COL24A1: variants seen among roughly 807,000 people sequenced by gnomAD.
COL24A1 encodes collagen alpha-1(XXIV) chain.
Under a neutral mutation model 253.9 loss-of-function variants are expected in COL24A1, and 224 were observed. The observed-to-expected ratio is 0.88, with a 90% CI of 0.79 to 0.99. The LOEUF (loss-of-function observed/expected upper bound fraction) is 0.99. Ranked by LOEUF, COL24A1 falls within the 50% of genes least tolerant of loss-of-function variation. The pLI is 0.00. For missense variants in COL24A1, 2,131 were observed against 2,068.5 expected, an observed-to-expected ratio of 1.03 and a Z score of -0.59; for synonymous variants, 685 against 673.7, an observed-to-expected ratio of 1.02 and a Z score of -0.26.
intron 43 of COL24A1, among the ~76,000 whole-genome samples, chr1:85,826,676 T>C (rs1020722199): frequency 1.3e-5 from 2 of 151,736 alleles, no homozygotes; most frequent in South Asian, 2.1e-4. Context: ...TATTTTATTC[T>C]CTTTGAAGCA....
At chr1:85,745,643 G>GTT in intron 55 of COL24A1, 137 bp from the exon 56 acceptor site, 1 of 508,420 alleles carries the variant, frequency 2.0e-6, no homozygotes, top group Non-Finnish European at 3.3e-6. Context: ...AACTCTTACG[G>GTT]TTAGACAGAT....
At chr1:85,754,465 C>T (rs1570459924) in intron 55 of COL24A1, among the ~76,000 whole-genome samples, 2 of 94,552 alleles carry the variant, frequency 2.1e-5, no homozygotes, top group African/African-American at 8.4e-5. Context: ...TGCAGCGCAC[C>T]AGCATGGCAC....
At chr1:85,943,236 C>T (rs896985190) in intron 24 of COL24A1, among the ~76,000 whole-genome samples, 3 of 152,244 alleles carry the variant, frequency 2.0e-5, no homozygotes, top group Non-Finnish European at 4.4e-5. Flanking sequence ...GACTGAGTTA[C>T]ATCATTGGCT....
At chr1:86,115,282 ACAAATTCT>A in intron 4 of COL24A1, 35 bp downstream of exon 4, 2 of 1,595,256 alleles carry the variant, frequency 1.3e-6, no homozygotes, top group Non-Finnish European at 1.7e-6. Flanking sequence ...TTAGAAAGTT[ACAAATTCT>A]CACTGCCAGC....
chr1:85,781,052 A>G (rs541347556), intron 52 of COL24A1, among the ~76,000 whole-genome samples, 168 bp downstream of exon 52: 1 of 152,258 alleles, frequency 6.6e-6, no homozygotes, highest in African/African-American at 2.4e-5. Flanking sequence ...CACTGTCTTC[A>G]TTACACATAT....
At chr1:85,870,597 A>G (rs1444677348) in intron 35 of COL24A1, among the ~76,000 whole-genome samples, 1 of 152,234 alleles carries the variant, frequency 6.6e-6, no homozygotes, top group Non-Finnish European at 1.5e-5. Flanking sequence ...CTGAATGACT[A>G]CTGGGTACAT....
chr1:85,806,110 T>A (rs567123009), intron 47 of COL24A1, among the ~76,000 whole-genome samples: 155 of 150,624 alleles, frequency 1.0e-3, no homozygotes, highest in Non-Finnish European at 2.0e-3. Context: ...GATAGAAATA[T>A]ATATTTCCTC....
At position 85,830,552 on chromosome 1, in the gene COL24A1, T is replaced by C. The variant is rs1201138438; in HGVS notation, c.3682-6814A>G. ...GCCGCCTTGCAGTTTGATCTCAGAC[T>C]GCTGTGCTAGCAATCAGCGAGACTC... On this transcript the variant is annotated intron_variant, in intron 43 of 59. Transcript: ENST00000370571. Among the ~76,000 whole-genome samples, 9 of 152,278 alleles carry C rather than the reference T, an allele frequency of 5.9e-5. No individual in the cohort carries two copies. The East Asian group carries it at 1.7e-3, about 29-fold the overall frequency.
chr1:85,741,780 GTTACTGGGAA>G (rs1245074040), intron 57 of COL24A1, among the ~76,000 whole-genome samples: 1 of 152,064 alleles, frequency 6.6e-6, no homozygotes, highest in African/African-American at 2.4e-5. Context: ...TATGTGCTTC[GTTACTGGGAA>G]TGAAAAGTTC....
rs1161743318 is a variant in COL24A1, at chr1:85,729,388, T to A, written c.*1158A>T. ...ATATTTCTCTGATAACAAGGAGACA[T>A]TGAACTGGCTGAGCCTATTTTAAAT... On this transcript the variant is annotated 3_prime_UTR_variant, in exon 60 of 60. Transcript: ENST00000370571. 6.6e-6 allele frequency: 1 copy of A among 151,968 alleles called. No individual in the cohort carries two copies. Among genetic ancestry groups the A allele is most frequent in the Non-Finnish European group, 1.5e-5 (1 of 67,946 alleles). The allele number at this position is 151,968 out of a possible 1,614,324, so 9.4% of individuals were successfully genotyped here.
intron 24 of COL24A1, among the ~76,000 whole-genome samples, chr1:85,933,721 T>G (rs1688011769): frequency 6.6e-6 from 1 of 152,204 alleles, no homozygotes; most frequent in African/African-American, 2.4e-5. Context: ...TTTTCAATTG[T>G]AAAGTTGTCA....
chr1:85,792,051 T>C (rs1021899891), intron 47 of COL24A1, among the ~76,000 whole-genome samples: 3 of 152,172 alleles, frequency 2.0e-5, no homozygotes, highest in African/African-American at 7.2e-5. Flanking sequence ...ATTTCATGAA[T>C]AAACATTTTG....
chr1:85,809,322 C>T (rs562089527), intron 47 of COL24A1, among the ~76,000 whole-genome samples: 4 of 152,234 alleles, frequency 2.6e-5, no homozygotes, highest in Non-Finnish European at 5.9e-5. Flanking sequence ...AGTTTTCATT[C>T]CCTGAGCAAG....
intron 43 of COL24A1, among the ~76,000 whole-genome samples, chr1:85,828,002 A>C (rs998658954): frequency 2.5e-4 from 38 of 151,762 alleles, no homozygotes; most frequent in African/African-American, 7.5e-4. Context: ...TAGTTCTTTT[A>C]ATTGTGATGT....
intron 35 of COL24A1, among the ~76,000 whole-genome samples, chr1:85,870,452 G>A (rs1159414419): frequency 1.2e-4 from 19 of 152,146 alleles, no homozygotes; most frequent in Non-Finnish European, 1.8e-4. Flanking sequence ...TGGAAGTAAA[G>A]CACTCCTCAG....
Position 85,972,583 on chromosome 1 carries a change from C to A in COL24A1, c.2365-1190G>T, listed in dbSNP as rs138543915. ...TATGCCAGTCCAATGTATGTTAATC[C>A]TTTTTCAGGCAAAAGCACCCTAATT... On this transcript the variant is annotated intron_variant, in intron 20 of 59. Transcript: ENST00000370571. 2.2e-3 allele frequency among the ~76,000 whole-genome samples: 337 copies of A among 152,182 alleles called. 2 individuals carry two copies. Among genetic ancestry groups the A allele is most frequent in the African/African-American group, 7.9e-3 (327 of 41,522 alleles).
intron 47 of COL24A1, among the ~76,000 whole-genome samples, chr1:85,815,035 C>T (rs1380869445): frequency 6.6e-6 from 1 of 152,034 alleles, no homozygotes; most frequent in Admixed American, 6.5e-5. Flanking sequence ...CACTATTTAG[C>T]CTTATAAACT....
intron 24 of COL24A1, among the ~76,000 whole-genome samples, chr1:85,922,791 T>C (rs1043952213): frequency 2.0e-5 from 3 of 152,196 alleles, no homozygotes; most frequent in Non-Finnish European, 2.9e-5. Flanking sequence ...AACATCATAA[T>C]GACAGGATCA....
At position 85,885,585 on chromosome 1, in the gene COL24A1, C is replaced by T. The variant is rs186490072; in HGVS notation, c.2976+3975G>A. Among the ~76,000 whole-genome samples the T allele has an allele frequency of 1.1e-3, 171 of 151,596 alleles. 1 individual carries two copies. Among genetic ancestry groups the T allele is most frequent in the African/African-American group, 4.0e-3 (165 of 41,322 alleles). On this transcript the variant is annotated intron_variant, in intron 32 of 59. Coordinates refer to ENST00000370571, the MANE Select transcript of COL24A1 (RefSeq NM_152890.7). ...GAAAGAGGCTCTCTAAAATAAATAA[C>T]GAATTTATTTTGGAATAGAGCATTG...
Sources: allele counts gnomAD v4.1 joint callset (sites outside exome capture counted in the v4.1 genomes callset), GRCh38; gene constraint gnomAD v4.1.1; transcripts MANE v1.5; gene names NCBI Gene and HGNC (gene_info 2026-07-23, HGNC 2026-07-21).